KIF1C: variants seen among roughly 807,000 people sequenced by gnomAD.
The protein encoded by KIF1C is kinesin-like protein KIF1C.
A neutral mutation model predicts 126.5 loss-of-function variants in KIF1C; 61 were observed. The ratio of observed to expected loss-of-function variants is 0.48; its 90% CI spans 0.39 to 0.60. The LOEUF is 0.60. KIF1C is among the 20% of genes least tolerant of loss of function. The pLI is 0.00. For synonymous variants in KIF1C, 640 were observed against 580.6 expected (o/e 1.10, Z -1.47); for missense variants, 1,315 against 1,489.2 (o/e 0.88, Z 1.93).
chr17:5,027,560 C>T lies in KIF1C; in HGVS notation c.*3409C>T, dbSNP rs1975229950. The T allele has an allele frequency of 6.6e-6, 1 of 152,146 alleles. No individual in the cohort carries two copies. Among genetic ancestry groups the T allele is most frequent in the Non-Finnish European group, 1.5e-5 (1 of 68,046 alleles). 9.4% of individuals were successfully genotyped at this position (152,146 alleles called of 1,614,324 possible). A position where few individuals can be genotyped will look rare whatever the true frequency, so the allele number is the denominator to read the frequency against. On this transcript the variant is annotated 3_prime_UTR_variant, in exon 23 of 23. Transcript: ENST00000320785. Reference sequence around the variant, plus strand: ...CAAGCATGTGCCACCGTGCCTGGCTCCTGAAGACTGAGGTTGGTTTAGATT... The same window carrying T: ...CAAGCATGTGCCACCGTGCCTGGCTTCTGAAGACTGAGGTTGGTTTAGATT...
chr17:4,998,570 A>G (rs2143294967), intron 1 of KIF1C, among the ~76,000 whole-genome samples: 1 of 152,062 alleles, frequency 6.6e-6, no homozygotes, highest in African/African-American at 2.4e-5. Context: ...TCCCTGTCCC[A>G]TTAGCTGCAG....
At chr17:5,002,419 T>C (rs1046500159) in intron 6 of KIF1C, 45 bp from the exon 7 acceptor site, 1 of 1,529,000 alleles carries the variant, frequency 6.5e-7, no homozygotes, top group Non-Finnish European at 8.9e-7. Flanking sequence ...GCGTTGTCAT[T>C]GTTTTTGCTA....
rs55758503 is a variant in KIF1C, at chr17:5,002,410, C to T, written c.430-54C>T. ...TGTCCAGTGGAGTCAGATTAAGTTGCGTTGTCATTGTTTTTGCTAGTTTTG... is the reference window on the plus strand; with the variant it reads ...TGTCCAGTGGAGTCAGATTAAGTTGTGTTGTCATTGTTTTTGCTAGTTTTG... On this transcript the variant is annotated intron_variant, in intron 6 of 22. Coordinates refer to ENST00000320785, the MANE Select transcript of KIF1C (RefSeq NM_006612.6). 149,791 of 1,486,780 alleles carry T rather than the reference C, an allele frequency of 0.1. 8,350 individuals are homozygous for T. Among genetic ancestry groups the T allele is most frequent in the Non-Finnish European group, 0.11 (122,370 of 1,087,116 alleles). 92.1% of individuals were successfully genotyped at this position (1,486,780 alleles called of 1,614,324 possible).
chr17:5,010,342 C>T (rs1360153941), intron 16 of KIF1C, among the ~76,000 whole-genome samples: 1 of 152,094 alleles, frequency 6.6e-6, no homozygotes, highest in Non-Finnish European at 1.5e-5. Flanking sequence ...CAGATTGTTT[C>T]CCATTCCTTG....
intron 18 of KIF1C, among the ~76,000 whole-genome samples, chr17:5,015,261 A>AT (rs1279364461): frequency 1.3e-5 from 2 of 151,834 alleles, no homozygotes; most frequent in African/African-American, 4.8e-5. Context: ...GACTGCCGAG[A>AT]TTTCTTTTTC....
In KIF1C at chr17:5,022,156, TCTC is replaced by T. The variant is rs1428389008; in HGVS notation, c.2081_2083del (p.Ser694del). 1.2e-5 allele frequency: 20 copies of T among 1,613,858 alleles called. No homozygotes were observed. Among genetic ancestry groups the T allele is most frequent in the Admixed American group, 1.7e-5 (1 of 60,022 alleles). On this transcript the variant is annotated inframe_deletion, in exon 22 of 23. Transcript: ENST00000320785. This position sits in a 1 kb window ranked among gnomAD's most constrained non-coding sequence, Gnocchi z 4.9. ...TCTTGTGAAGAGAGCTGGAGGCTCA[TCTC>T]CTCCTTGCGGGAGCAGCTGCCGCCC...
rs376123205 is a variant in KIF1C, at chr17:5,013,724, C to T, written c.1563C>T (p.Gly521=). 182 of 1,613,420 alleles carry T rather than the reference C, an allele frequency of 1.1e-4. No individual in the cohort carries two copies. Among genetic ancestry groups the T allele is most frequent in the Non-Finnish European group, 1.4e-4 (161 of 1,179,438 alleles). ...GTCTGCTCTACCACATCAAAGATGGCGTCACCAGGTAGCGTGTACCCAGCG... is the reference window on the plus strand; with the variant it reads ...GTCTGCTCTACCACATCAAAGATGGTGTCACCAGGTAGCGTGTACCCAGCG... ...SECLLYHIKD[G]VTRVGQVDMD... The change falls in exon 17 of 23, where the codon GGC becomes GGT. Residue 521 remains glycine, a synonymous_variant. Coordinates refer to ENST00000320785, the MANE Select transcript of KIF1C (RefSeq NM_006612.6).
chr17:5,022,264 T>A lies in KIF1C; in HGVS notation c.2183T>A (p.Ile728Asn). Residue 728 changes from isoleucine to asparagine, a missense_variant, in exon 22 of 23, where the codon ATC (isoleucine) becomes AAC (asparagine). Coordinates refer to ENST00000320785, the MANE Select transcript of KIF1C (RefSeq NM_006612.6). The surrounding 1 kb of genome is among the most constrained non-coding windows in gnomAD (Gnocchi z 4.9). ...KRRAPRRVYQIPQRRRLQGKD... is the reference protein window; with the variant it reads ...KRRAPRRVYQNPQRRRLQGKD... ...AGGGCCCCTCGCAGGGTTTATCAGA[T>A]CCCCCAGCGACGCAGGCTGCAGGGC... The A allele has an allele frequency of 6.2e-7, 1 of 1,613,984 alleles. No homozygotes were observed. The highest frequency in any genetic ancestry group is 1.1e-5 in the South Asian group (1 of 91,070).
In KIF1C at chr17:5,024,004, CA is replaced by C; in HGVS notation, c.3170del (p.Lys1057SerfsTer31). ...AQPEPQHFQP[K>X]KHNSYPQPPQ... The stretch of plus-strand genomic sequence containing the variant: ...AGCCTGAACCCCAGCACTTCCAGCC[CA>C]AAAAGCACAACTCTTATCCCCAGCC... On this transcript the variant is annotated frameshift_variant, in exon 23 of 23. Coordinates refer to ENST00000320785, the MANE Select transcript of KIF1C (RefSeq NM_006612.6). LOFTEE classifies it high-confidence loss of function. 1.9e-6 allele frequency: 3 copies of C among 1,600,494 alleles called. No individual in the cohort carries two copies. The highest frequency in any genetic ancestry group is 2.2e-5 in the South Asian group (2 of 89,588).
chr17:5,002,861 C>G lies in KIF1C; in HGVS notation c.720+19C>G, dbSNP rs757513826. ...GGAGAAGGTGGGATCGCCCCCCCCC[C>G]CACTCCCCCACCGGATGCAACCTCC... On this transcript the variant is annotated intron_variant, in intron 8 of 22. Coordinates refer to ENST00000320785, the MANE Select transcript of KIF1C (RefSeq NM_006612.6). 1,951 of 1,353,176 alleles carry G rather than the reference C, an allele frequency of 1.4e-3. 29 individuals are homozygous for G. The African/African-American group carries it at 0.029, about 20-fold the overall frequency. 83.8% of individuals were successfully genotyped at this position (1,353,176 alleles called of 1,614,324 possible).
intron 13 of KIF1C, 31 bp downstream of exon 13, chr17:5,005,031 A>T: frequency 6.2e-7 from 1 of 1,613,564 alleles, no homozygotes; most frequent in Non-Finnish European, 8.5e-7. Flanking sequence ...CAGCTCAGGG[A>T]TGCCCCTTGG....
In KIF1C at chr17:5,000,299, G is replaced by T; in HGVS notation, c.53G>T (p.Arg18Leu). The T allele has an allele frequency of 6.3e-7, 1 of 1,593,424 alleles. No homozygotes were observed. ...GTGAGGGTTCGGCCCTTTAACGCCC[G>T]TGAGACCAGCCAGGATGCCAAGTGT... is the stretch of plus-strand genomic sequence containing the variant. ...VAVRVRPFNARETSQDAKCVV... is the reference protein window; with the variant it reads ...VAVRVRPFNALETSQDAKCVV... The change falls in exon 3 of 23, where the codon CGT (arginine) becomes CTT (leucine). Residue 18 changes from arginine to leucine, a missense_variant. Transcript: ENST00000320785.
At chr17:5,001,467 G>A in intron 5 of KIF1C, 66 bp downstream of exon 5, 2 of 1,482,124 alleles carry the variant, frequency 1.3e-6, no homozygotes, top group Non-Finnish European at 9.3e-7. Flanking sequence ...GAGGAAGGAA[G>A]GACTAGGGTC....
intron 18 of KIF1C, among the ~76,000 whole-genome samples, chr17:5,016,990 G>A (rs1378537435): frequency 6.6e-6 from 1 of 151,974 alleles, no homozygotes; most frequent in Non-Finnish European, 1.5e-5. Context: ...TCTGGTTCAA[G>A]TCCTCAGTGA....
Position 5,025,347 on chromosome 17 carries a change from G to T in KIF1C, c.*1196G>T, listed in dbSNP as rs1042914220. On this transcript the variant is annotated 3_prime_UTR_variant, in exon 23 of 23. Coordinates refer to ENST00000320785, the MANE Select transcript of KIF1C (RefSeq NM_006612.6). The stretch of plus-strand genomic sequence containing the variant: ...ACAGAAGGATTTGTGGGGTACAGAG[G>T]AGTTCTGCTTTAAGTCACCTAACTT... 13 of 152,206 alleles carry T rather than the reference G, an allele frequency of 8.5e-5. No homozygotes were observed. Among genetic ancestry groups the T allele is most frequent in the African/African-American group, 3.1e-4 (13 of 41,432 alleles). The allele number at this position is 152,206 out of a possible 1,614,324, so 9.4% of individuals were successfully genotyped here.
chr17:5,021,015 A>G, intron 21 of KIF1C, 137 bp downstream of exon 21: 3 of 712,398 alleles, frequency 4.2e-6, no homozygotes. Flanking sequence ...GGAAAAAGCC[A>G]GGAGAGAGAT....
intron 16 of KIF1C, chr17:5,011,637 G>C (rs1974869089): frequency 6.6e-6 from 1 of 152,266 alleles, no homozygotes; most frequent in South Asian, 2.1e-4. Context: ...TGCAGTGTAG[G>C]GAGGGGCATG....
chr17:5,012,680 G>A (rs1163620699), intron 16 of KIF1C, among the ~76,000 whole-genome samples: 1 of 152,162 alleles, frequency 6.6e-6, no homozygotes, highest in African/African-American at 2.4e-5. Flanking sequence ...AGGAAGGCAG[G>A]TGGGCCTGGT....
chr17:5,002,827 G>A lies in KIF1C; in HGVS notation c.705G>A (p.Gly235=). Residue 235 remains glycine (G), a synonymous_variant, in exon 8 of 23, where the codon GGG becomes GGA. Coordinates refer to ENST00000320785, the MANE Select transcript of KIF1C (RefSeq NM_006612.6). The part of the protein sequence containing the change: ...FTQRCHDQLT[G]LDSEKVSKIS... ...AGCGCTGCCATGACCAGCTCACGGG[G>A]CTGGACTCGGAGAAGGTGGGATCGC... The A allele has an allele frequency of 9.3e-6, 15 of 1,611,990 alleles. No homozygotes were observed. Among genetic ancestry groups the A allele is most frequent in the Non-Finnish European group, 1.3e-5 (15 of 1,179,560 alleles).
Sources: gnomAD v4.1 joint callset for allele counts (sites outside exome capture counted in the v4.1 genomes callset) on GRCh38, gnomAD v4.1.1 for gene constraint, Gnocchi (gnomAD v3.1) non-coding constraint, MANE v1.5 for transcripts, NCBI Gene and HGNC (gene_info 2026-07-23, HGNC 2026-07-21) for gene names.